MICU1: variants seen among roughly 807,000 people sequenced by gnomAD.
MICU1 encodes the protein calcium uptake protein 1, mitochondrial.
A neutral mutation model predicts 56.8 loss-of-function variants in MICU1; 45 were observed. The observed-to-expected ratio is 0.79, with a 90% confidence interval of 0.62 to 1.02. The LOEUF is 1.02. MICU1 is among the 50% of genes least tolerant of loss of function. The pLI is 0.00. For missense variants in MICU1, 504 were observed against 587.1 expected (o/e 0.86, Z 1.46); for synonymous variants, 186 against 195.1 (o/e 0.95, Z 0.39).
chr10:72,461,361 T>C (rs995097910), intron 8 of MICU1, among the ~76,000 whole-genome samples: 1 of 152,218 alleles, frequency 6.6e-6, no homozygotes, highest in African/African-American at 2.4e-5. Flanking sequence ...ACCTGATCTT[T>C]AGACAGAATG....
intron 10 of MICU1, among the ~76,000 whole-genome samples, chr10:72,393,108 G>A (rs1255437119): frequency 6.6e-6 from 1 of 152,204 alleles, no homozygotes; most frequent in Non-Finnish European, 1.5e-5. Context: ...AGAGGTTTAT[G>A]TCTTGTTCAG....
chr10:72,368,443 T>G, intron 11 of MICU1, 88 bp from the exon 12 acceptor site: 1 of 1,437,366 alleles, frequency 7.0e-7, no homozygotes, highest in Non-Finnish European at 9.6e-7. Context: ...CAAAGTGGAT[T>G]TCAAAGCCCA....
Position 72,583,282 on chromosome 10 carries a change from ATT to A in MICU1, c.-1-16490_-1-16489del, listed in dbSNP as rs71021510. Among the ~76,000 whole-genome samples, 1,060 of 141,092 alleles carry A rather than the reference ATT, an allele frequency of 7.5e-3. 8 individuals carry two copies. The highest frequency in any genetic ancestry group is 0.022 in the African/African-American group (824 of 38,088). 92.6% of individuals were successfully genotyped at this position (141,092 alleles called of 152,430 possible). A position where few individuals can be genotyped will look rare whatever the true frequency, so the allele number is the denominator to read the frequency against. ...TTCACAAAATAGTTTGGCTGAATGCATTTTTTTTTTTTTTTTGAGACAGAGTC... is the reference window on the plus strand; with the variant it reads ...TTCACAAAATAGTTTGGCTGAATGCATTTTTTTTTTTTTTGAGACAGAGTC... On this transcript the variant is annotated intron_variant, in intron 1 of 11. Transcript: ENST00000361114.
intron 8 of MICU1, among the ~76,000 whole-genome samples, chr10:72,424,244 A>AGC (rs1347831678): frequency 2.0e-5 from 3 of 151,788 alleles, no homozygotes; most frequent in African/African-American, 7.3e-5. Context: ...TCCCGAGTAA[A>AGC]TGGGATTACA....
At chr10:72,617,905 C>T (rs943285598) in intron 1 of MICU1, among the ~76,000 whole-genome samples, 2 of 152,122 alleles carry the variant, frequency 1.3e-5, no homozygotes, top group Non-Finnish European at 2.9e-5. Flanking sequence ...GTGGCTTACG[C>T]CTGTAATCCT....
intron 5 of MICU1, among the ~76,000 whole-genome samples, chr10:72,513,608 A>G (rs1182965905): frequency 1.3e-5 from 2 of 152,152 alleles, no homozygotes; most frequent in Non-Finnish European, 1.5e-5. Context: ...GTTATATTTA[A>G]TATTTCATTA....
intron 5 of MICU1, among the ~76,000 whole-genome samples, chr10:72,512,806 G>A (rs759897120): frequency 3.1e-4 from 47 of 152,088 alleles, no homozygotes; most frequent in Admixed American, 1.6e-3. Context: ...CTCAGCTCAG[G>A]TGATCCTCCC....
intron 8 of MICU1, among the ~76,000 whole-genome samples, chr10:72,473,953 C>T (rs920063929): frequency 3.3e-5 from 5 of 151,508 alleles, no homozygotes; most frequent in African/African-American, 9.7e-5. Context: ...TAAGGTAGGG[C>T]GTGTGTTAAA....
intron 8 of MICU1, among the ~76,000 whole-genome samples, chr10:72,441,611 T>TTTTA: frequency 8.6e-6 from 1 of 115,870 alleles, no homozygotes; most frequent in Non-Finnish European, 2.0e-5. Context: ...TATTTTTAAT[T>TTTTA]TTTCTTTTTT....
chr10:72,524,418 T>C (rs971729722), intron 5 of MICU1, among the ~76,000 whole-genome samples: 2 of 152,204 alleles, frequency 1.3e-5, no homozygotes, highest in Non-Finnish European at 2.9e-5. Context: ...GTAAGACTAT[T>C]TAAGTGACTC....
intron 1 of MICU1, among the ~76,000 whole-genome samples, chr10:72,620,981 G>C (rs1317256264): frequency 6.6e-6 from 1 of 152,012 alleles, no homozygotes; most frequent in African/African-American, 2.4e-5. Context: ...CCCATATTTT[G>C]GGAAGCCAAG....
rs1440403320 is a variant in MICU1 at position 72,523,770 on chromosome 10, C to T, written c.537+9976G>A. 2.9e-6 allele frequency: 4 copies of T among 1,396,290 alleles called. No individual in the cohort carries two copies. The East Asian group carries it at 1.1e-4, about 37-fold the overall frequency. The allele number at this position is 1,396,290 out of a possible 1,614,324, so 86.5% of individuals were successfully genotyped here. On this transcript the variant is annotated intron_variant, in intron 5 of 11. Transcript: ENST00000361114. ...TAATTTATAAACTACCATTAAAGAG[C>T]CCAAGCCTTCAAAGATCAATTTAAA...
At chr10:72,379,396 C>T (rs1238098074) in intron 10 of MICU1, 1 of 197,108 alleles carries the variant, frequency 5.1e-6, no homozygotes, top group Middle Eastern at 4.9e-4. Flanking sequence ...GGGATCGGAA[C>T]CTGTTCTGTA....
Position 72,610,516 on chromosome 10 carries a change from T to C in MICU1, c.-2+15494A>G, listed in dbSNP as rs534042866. On this transcript the variant is annotated intron_variant, in intron 1 of 11. Transcript: ENST00000361114. ...AAGAGATAGTAAAGCACTCTGAACA[T>C]AAGAAACAGTGGGAAGACAGTAGGC... Among the ~76,000 whole-genome samples the C allele has an allele frequency of 7.2e-5, 11 of 152,124 alleles. 1 individual carries two copies. In the South Asian group the frequency reaches 2.1e-3, roughly 29 times the overall value.
At chr10:72,618,013 A>T (rs1464439273) in intron 1 of MICU1, among the ~76,000 whole-genome samples, 1 of 152,048 alleles carries the variant, frequency 6.6e-6, no homozygotes, top group Non-Finnish European at 1.5e-5. Flanking sequence ...TAAAAATATA[A>T]AAATTAGCCA....
rs148089888 is a variant in MICU1, at chr10:72,416,426, T to C, written c.1071+6808A>G. ...TTGGAGTTAATGAGTTTTCAAGGGG[T>C]ATGCTAGCAATTTCTAGAATCTGAT... On this transcript the variant is annotated intron_variant, in intron 9 of 11. Coordinates refer to ENST00000361114, the MANE Select transcript of MICU1 (RefSeq NM_001195518.2). Among the ~76,000 whole-genome samples the C allele has an allele frequency of 3.9e-3, 589 of 152,272 alleles. 4 individuals are homozygous for C. Among genetic ancestry groups the C allele is most frequent in the Middle Eastern group, 0.034 (10 of 294 alleles).
At chr10:72,459,716 T>C (rs1865588071) in intron 8 of MICU1, among the ~76,000 whole-genome samples, 1 of 152,234 alleles carries the variant, frequency 6.6e-6, no homozygotes, top group Non-Finnish European at 1.5e-5. Flanking sequence ...ATGCTAATAA[T>C]ACCGTATCTC....
intron 6 of MICU1, among the ~76,000 whole-genome samples, chr10:72,507,062 C>T (rs1867276869): frequency 6.6e-6 from 1 of 151,520 alleles, no homozygotes; most frequent in East Asian, 1.9e-4. Flanking sequence ...ATGTATATGC[C>T]ACTTATTAAA....
chr10:72,443,004 G>A (rs1030611346), intron 8 of MICU1, among the ~76,000 whole-genome samples: 33 of 152,284 alleles, frequency 2.2e-4, no homozygotes, highest in African/African-American at 7.9e-4. Flanking sequence ...TGATCTGCCT[G>A]CCTCAGCCTC....
Sources: gnomAD v4.1 joint callset for allele counts (sites outside exome capture counted in the v4.1 genomes callset) on GRCh38, gnomAD v4.1.1 for gene constraint, MANE v1.5 for transcripts, NCBI Gene and HGNC (gene_info 2026-07-23, HGNC 2026-07-21) for gene names.